NAALADL2: variants seen among roughly 807,000 people sequenced by gnomAD.
NAALADL2 encodes the protein N-acetylated alpha-linked acidic dipeptidase like 2.
Under a neutral mutation model 87.2 loss-of-function variants are expected in NAALADL2, and 76 were observed. That is an observed-to-expected ratio of 0.87 (90% CI 0.72 to 1.05). The LOEUF (loss-of-function observed/expected upper bound fraction) is 1.05. NAALADL2 is among the 50% of genes least tolerant of loss of function. NAALADL2 has a pLI of 0.00. For synonymous variants in NAALADL2, 354 were observed against 331.0 expected, an observed-to-expected ratio of 1.07 and a Z score of -0.75; for missense variants, 1,089 against 945.8, an observed-to-expected ratio of 1.15 and a Z score of -1.99.
intron 5 of NAALADL2, among the ~76,000 whole-genome samples, chr3:175,369,030 T>C (rs1766081901): frequency 6.6e-6 from 1 of 152,206 alleles, no homozygotes; most frequent in Non-Finnish European, 1.5e-5. Context: ...TATGCATTAC[T>C]GTAGGCTTTA....
At position 174,499,152 on chromosome 3, in the gene NAALADL2, G is replaced by A. The variant is rs571954018; in HGVS notation, c.-183-51417G>A. Among the ~76,000 whole-genome samples, 60 of 152,030 alleles carry A rather than the reference G, an allele frequency of 3.9e-4. No homozygotes were observed. The South Asian group carries it at 4.6e-3, about 12-fold the overall frequency. ...GATTTGGTACTATTTGTGGTTTTAG[G>A]CATTCACTGAGGATCTTGGAACATG... is the stretch of plus-strand genomic sequence containing the variant. On this transcript the variant is annotated intron_variant, in intron 1 of 3. Transcript: ENST00000434257.
At position 174,507,418 on chromosome 3, in the gene NAALADL2, T is replaced by C. The variant is rs200939491; in HGVS notation, c.-183-43151T>C. Among the ~76,000 whole-genome samples the C allele has an allele frequency of 9.8e-5, 15 of 152,296 alleles. No individual in the cohort carries two copies. The East Asian group carries it at 2.7e-3, about 27-fold the overall frequency. ...ACCTATGAGTTTTTCTCACTGATTT[T>C]TTTAATACATTTCAATACAGTTTCT... is the stretch of plus-strand genomic sequence containing the variant. On this transcript the variant is annotated intron_variant, in intron 1 of 3. Coordinates refer to the NAALADL2 transcript ENST00000434257.
intron 2 of NAALADL2, among the ~76,000 whole-genome samples, chr3:174,654,098 G>GTGTT (rs1553809962): frequency 6.7e-6 from 1 of 149,006 alleles, no homozygotes; most frequent in Non-Finnish European, 1.5e-5. Context: ...GTGTGTGTGT[G>GTGTT]TGTTAGAAAT....
chr3:174,704,504 A>G (rs1234093620), intron 2 of NAALADL2, among the ~76,000 whole-genome samples: 1 of 152,202 alleles, frequency 6.6e-6, no homozygotes, highest in Admixed American at 6.5e-5. Flanking sequence ...TTATAAATTC[A>G]TGCAAATAAA....
chr3:174,615,268 A>G (rs939888258), intron 2 of NAALADL2, among the ~76,000 whole-genome samples: 1 of 152,166 alleles, frequency 6.6e-6, no homozygotes, highest in Non-Finnish European at 1.5e-5. Context: ...ACTGGATCTG[A>G]TCTATCCTTC....
In NAALADL2 at chr3:175,631,924, A is replaced by G. The variant is rs1298524188; in HGVS notation, c.1896+4538A>G. Among the ~76,000 whole-genome samples, 4 of 152,216 alleles carry G rather than the reference A, an allele frequency of 2.6e-5. No homozygotes were observed. In the East Asian group the frequency reaches 7.7e-4, roughly 29 times the overall value. ...TCTGATAATCTACTATAGTCCCAACATTCAGCAAGACACTTGCAATACCAA... is the reference window on the plus strand; with the variant it reads ...TCTGATAATCTACTATAGTCCCAACGTTCAGCAAGACACTTGCAATACCAA... On this transcript the variant is annotated intron_variant, in intron 11 of 13. Transcript: ENST00000454872.
At chr3:175,539,663 C>T (rs911309371) in intron 9 of NAALADL2, among the ~76,000 whole-genome samples, 6 of 151,906 alleles carry the variant, frequency 3.9e-5, no homozygotes, top group Non-Finnish European at 8.8e-5. Context: ...CTGTCTTCCC[C>T]CTTGACCCCT....
chr3:175,289,894 A>G (rs1301291058), intron 4 of NAALADL2, among the ~76,000 whole-genome samples: 1 of 152,196 alleles, frequency 6.6e-6, no homozygotes, highest in Non-Finnish European at 1.5e-5. Context: ...CCAGAATACA[A>G]CTGTAAGAAG....
intron 3 of NAALADL2, among the ~76,000 whole-genome samples, chr3:174,832,942 C>G (rs1023026876): frequency 6.6e-6 from 1 of 152,084 alleles, no homozygotes; most frequent in African/African-American, 2.4e-5. Context: ...TGTATATTAG[C>G]ATTTATATTT....
chr3:175,042,345 A>G (rs550850294), intron 1 of NAALADL2, among the ~76,000 whole-genome samples: 1 of 152,280 alleles, frequency 6.6e-6, no homozygotes, highest in Non-Finnish European at 1.5e-5. Context: ...CCAGTTGCTC[A>G]TCAATGAACA....
chr3:174,556,244 T>C (rs1204479832), intron 2 of NAALADL2, among the ~76,000 whole-genome samples: 3 of 152,126 alleles, frequency 2.0e-5, no homozygotes, highest in African/African-American at 7.2e-5. Flanking sequence ...GGAAGTGGAA[T>C]GATTTGCCAC....
chr3:174,862,764 C>T lies in NAALADL2; in HGVS notation c.43+3314C>T, dbSNP rs138860152. On this transcript the variant is annotated intron_variant, in intron 1 of 13. Coordinates refer to ENST00000454872, the MANE Select transcript of NAALADL2 (RefSeq NM_207015.3). ...TGTGAGAGGAGGAATCTTTAAGTTA[C>T]GCCTCCCTGGGCTGTTTAATACACT... Among the ~76,000 whole-genome samples the T allele has an allele frequency of 2.1e-3, 314 of 152,244 alleles. 2 individuals are homozygous for T. Among genetic ancestry groups the T allele is most frequent in the African/African-American group, 7.2e-3 (301 of 41,556 alleles).
At chr3:174,832,708 C>T (rs1008536206) in intron 3 of NAALADL2, among the ~76,000 whole-genome samples, 30 of 152,200 alleles carry the variant, frequency 2.0e-4, no homozygotes, top group Non-Finnish European at 3.4e-4. Context: ...CGTCGTGATC[C>T]GCCCGCCTCA....
At chr3:175,474,906 C>T (rs1725450672) in intron 9 of NAALADL2, among the ~76,000 whole-genome samples, 1 of 151,928 alleles carries the variant, frequency 6.6e-6, no homozygotes, top group African/African-American at 2.4e-5. Context: ...CCTTGCTCTG[C>T]CCCAAGTCCC....
At chr3:174,899,045 C>T (rs922307925) in intron 1 of NAALADL2, among the ~76,000 whole-genome samples, 1 of 151,890 alleles carries the variant, frequency 6.6e-6, no homozygotes, top group South Asian at 2.1e-4. Flanking sequence ...TTTTTATTGG[C>T]AAGGAAACAT....
At chr3:175,641,355 C>T (rs1393650686) in intron 11 of NAALADL2, among the ~76,000 whole-genome samples, 1 of 152,166 alleles carries the variant, frequency 6.6e-6, no homozygotes, top group African/African-American at 2.4e-5. Context: ...CCTCTTCCCT[C>T]TTTCTTTGCT....
At chr3:175,639,600 G>A (rs115355408) in intron 11 of NAALADL2, among the ~76,000 whole-genome samples, 4,131 of 152,072 alleles carry the variant, frequency 0.027, 180 homozygotes, top group African/African-American at 0.09. Context: ...GATTACAGAC[G>A]TGAGTGTTAT....
At chr3:174,883,451 A>C (rs930449980) in intron 1 of NAALADL2, among the ~76,000 whole-genome samples, 1 of 152,138 alleles carries the variant, frequency 6.6e-6, no homozygotes, top group Admixed American at 6.6e-5. Context: ...CCTTCATACA[A>C]GCGGAAATGC....
chr3:174,856,228 A>G (rs950340030), upstream of NAALADL2, among the ~76,000 whole-genome samples: 2 of 151,680 alleles, frequency 1.3e-5, no homozygotes, highest in African/African-American at 2.4e-5. Context: ...GTGGTCTTGA[A>G]CTCTTGGGCT....
Sources: gnomAD v4.1 joint callset for allele counts (sites outside exome capture counted in the v4.1 genomes callset) on GRCh38, gnomAD v4.1.1 for gene constraint, MANE v1.5 for transcripts, NCBI Gene and HGNC (gene_info 2026-07-23, HGNC 2026-07-21) for gene names.